Variants in DOCK1 observed in about 807,000 individuals in gnomAD.
DOCK1 encodes the protein dedicator of cytokinesis 1, also known as dedicator of cytokinesis protein 1.
In DOCK1, 138 loss-of-function variants were observed where a neutral mutation model predicts 262.7. That is an observed-to-expected ratio of 0.53 (90% CI 0.46 to 0.61). DOCK1 has a LOEUF of 0.61. Ranked by LOEUF, DOCK1 falls within the 20% of genes least tolerant of loss-of-function variation. The pLI is 0.00. For synonymous variants in DOCK1, 866 were observed against 867.4 expected, an observed-to-expected ratio of 1.00 and a Z score of 0.03; for missense variants, 1,908 against 2,370.7, an observed-to-expected ratio of 0.80 and a Z score of 4.05.
intron 38 of DOCK1, among the ~76,000 whole-genome samples, chr10:127,402,114 A>G (rs551516911): frequency 6.6e-6 from 1 of 152,308 alleles, no homozygotes; most frequent in South Asian, 2.1e-4. Flanking sequence ...CAGGCCCTGG[A>G]TTAAGGTCCA....
intron 27 of DOCK1, among the ~76,000 whole-genome samples, chr10:127,140,348 G>T (rs748056445): frequency 6.6e-6 from 1 of 152,130 alleles, no homozygotes; most frequent in Non-Finnish European, 1.5e-5. Context: ...GCTGCCCTGG[G>T]AATCTGCAAC....
chr10:126,958,093 C>T (rs2134491477), intron 1 of DOCK1, among the ~76,000 whole-genome samples: 1 of 152,202 alleles, frequency 6.6e-6, no homozygotes, highest in Non-Finnish European at 1.5e-5. Context: ...CTTGAGGGTA[C>T]TTTCTGGATC....
chr10:127,389,994 A>G (rs1175822813), intron 38 of DOCK1, among the ~76,000 whole-genome samples: 1 of 135,748 alleles, frequency 7.4e-6, no homozygotes, highest in Non-Finnish European at 1.6e-5. Flanking sequence ...AGCCTGGGCG[A>G]CAGGAACTCT....
At chr10:127,007,056 G>A (rs372917473) in intron 10 of DOCK1, among the ~76,000 whole-genome samples, 3 of 152,198 alleles carry the variant, frequency 2.0e-5, no homozygotes, top group African/African-American at 7.2e-5. Context: ...GCTGGGAAAC[G>A]CTTCCCCCAG....
intron 29 of DOCK1, among the ~76,000 whole-genome samples, chr10:127,288,806 C>CAT (rs34649637): frequency 6.8e-5 from 10 of 146,516 alleles, no homozygotes; most frequent in Admixed American, 1.4e-4. Context: ...CACACACACA[C>CAT]ATAAAATAGT....
At chr10:127,115,685 A>C (rs1429475551) in intron 25 of DOCK1, among the ~76,000 whole-genome samples, 2 of 152,250 alleles carry the variant, frequency 1.3e-5, no homozygotes, top group African/African-American at 4.8e-5. Flanking sequence ...TGTTATAGAA[A>C]TTGGAATAAA....
chr10:127,416,688 A>G (rs1467416891), intron 44 of DOCK1, among the ~76,000 whole-genome samples: 4 of 152,202 alleles, frequency 2.6e-5, no homozygotes, highest in Non-Finnish European at 5.9e-5. Flanking sequence ...AACCTTCTTC[A>G]ATAAAAATAG....
intron 1 of DOCK1, among the ~76,000 whole-genome samples, chr10:126,923,459 A>G (rs1474376355): frequency 6.6e-6 from 1 of 151,860 alleles, no homozygotes; most frequent in African/African-American, 2.4e-5. Context: ...CCCCATAACT[A>G]CTAAAAATAC....
At chr10:127,266,480 AACACAC>A (rs68190118) in intron 29 of DOCK1, among the ~76,000 whole-genome samples, 9 of 149,284 alleles carry the variant, frequency 6.0e-5, no homozygotes, top group East Asian at 6.0e-4. Flanking sequence ...TAAGTACCAA[AACACAC>A]ACACACACAC....
chr10:126,920,930 C>T (rs978894280), intron 1 of DOCK1, among the ~76,000 whole-genome samples: 2 of 152,186 alleles, frequency 1.3e-5, no homozygotes, highest in African/African-American at 4.8e-5. Context: ...GGCACGGTGG[C>T]TCACACCTGT....
chr10:127,281,863 G>T (rs770026304), intron 29 of DOCK1, among the ~76,000 whole-genome samples: 12 of 152,146 alleles, frequency 7.9e-5, no homozygotes, highest in Non-Finnish European at 1.5e-4. Flanking sequence ...GTACAGGGAG[G>T]CAGGGATTAG....
intron 27 of DOCK1, among the ~76,000 whole-genome samples, chr10:127,247,010 A>G (rs548951403): frequency 6.6e-6 from 1 of 152,332 alleles, no homozygotes; most frequent in African/African-American, 2.4e-5. Flanking sequence ...TTTAAAAGCA[A>G]GGAAGGCTTT....
At chr10:127,224,918 T>A (rs1343180665) in intron 27 of DOCK1, among the ~76,000 whole-genome samples, 1 of 152,152 alleles carries the variant, frequency 6.6e-6, no homozygotes, top group Non-Finnish European at 1.5e-5. Context: ...TTTTAATGAA[T>A]GTGAATGTTA....
chr10:126,908,574 T>G (rs575007022), intron 1 of DOCK1, among the ~76,000 whole-genome samples: 2 of 152,362 alleles, frequency 1.3e-5, no homozygotes, highest in African/African-American at 4.8e-5. Context: ...ACTTCAGTTG[T>G]ATATTTATTT....
At chr10:127,143,302 G>C (rs1017139107) in intron 27 of DOCK1, among the ~76,000 whole-genome samples, 6 of 152,184 alleles carry the variant, frequency 3.9e-5, no homozygotes, top group African/African-American at 1.4e-4. Context: ...CTCTAGCCTC[G>C]ACAGGGCCAT....
rs578038458 is a variant in DOCK1, at chr10:127,211,360, G to A, written c.2848-36648G>A. Among the ~76,000 whole-genome samples the A allele has an allele frequency of 2.0e-5, 3 of 152,290 alleles. No homozygotes were observed. The South Asian group carries it at 6.2e-4, about 32-fold the overall frequency. On this transcript the variant is annotated intron_variant, in intron 27 of 51. Coordinates refer to ENST00000623213, the MANE Select transcript of DOCK1 (RefSeq NM_001290223.2). ...CATAAAAGGAGAGACACTCCTCTCA[G>A]CCATGCTCCTAATACCCCTGATAAG...
In DOCK1 at chr10:127,355,967, C is replaced by G. The variant is rs1251281861; in HGVS notation, c.3283+1240C>G. On this transcript the variant is annotated intron_variant, in intron 32 of 51. Transcript: ENST00000623213. ...TCCTGGGTGGGGATGAAGAGCGGGT[C>G]AGAGTGGCCCTGTCTGCCTGTGCCC... Among the ~76,000 whole-genome samples, 4 of 152,236 alleles carry G rather than the reference C, an allele frequency of 2.6e-5. No individual in the cohort carries two copies. In the East Asian group the frequency reaches 7.7e-4, roughly 29 times the overall value.
At chr10:127,381,449 A>T in intron 37 of DOCK1, 81 bp downstream of exon 37, 1 of 1,310,594 alleles carries the variant, frequency 7.6e-7, no homozygotes, top group African/African-American at 1.5e-5. Flanking sequence ...TTCCATGGCA[A>T]ATTTTAGTAG....
At chr10:127,094,500 C>G (rs1456337665) in intron 23 of DOCK1, among the ~76,000 whole-genome samples, 1 of 152,148 alleles carries the variant, frequency 6.6e-6, no homozygotes, top group African/African-American at 2.4e-5. Flanking sequence ...CCTGGCCATC[C>G]TCGATGGCAG....
Sources: allele counts gnomAD v4.1 joint callset (sites outside exome capture counted in the v4.1 genomes callset), GRCh38; gene constraint gnomAD v4.1.1; transcripts MANE v1.5; gene names NCBI Gene and HGNC (gene_info 2026-07-23, HGNC 2026-07-21).